Variants in MLLT10 observed in about 807,000 individuals in gnomAD.
MLLT10 encodes the protein protein AF-10.
Under a neutral mutation model 129.1 loss-of-function variants are expected in MLLT10, and 30 were observed. That is an observed-to-expected ratio of 0.23 (90% CI 0.17 to 0.32). The LOEUF (loss-of-function observed/expected upper bound fraction) is 0.32, where lower values mean the gene tolerates loss of function less well. Ranked by LOEUF, MLLT10 falls within the 10% of genes least tolerant of loss-of-function variation. MLLT10 has a pLI of 1.00. For synonymous variants in MLLT10, 490 were observed against 446.4 expected (o/e 1.10, Z -1.23); for missense variants, 1,119 against 1,268.3 (o/e 0.88, Z 1.79).
intron 8 of MLLT10, among the ~76,000 whole-genome samples, chr10:21,626,592 T>G (rs752768711): frequency 6.6e-6 from 1 of 152,140 alleles, no homozygotes; most frequent in Admixed American, 6.6e-5. Flanking sequence ...TAGTGTCACA[T>G]TGGCAAATTT....
At chr10:21,705,990 A>C (rs538100832) in intron 13 of MLLT10, among the ~76,000 whole-genome samples, 1 of 152,332 alleles carries the variant, frequency 6.6e-6, no homozygotes, top group East Asian at 1.9e-4. Context: ...CTTTCCCTGC[A>C]TTAGGGAGCC....
At chr10:21,619,991 G>A (rs559701280) in intron 8 of MLLT10, among the ~76,000 whole-genome samples, 3 of 148,540 alleles carry the variant, frequency 2.0e-5, no homozygotes, top group Non-Finnish European at 4.5e-5. Context: ...GTGCAGTGGC[G>A]CAGTCTCAGC....
chr10:21,586,204 C>A, intron 3 of MLLT10, 90 bp from the exon 4 acceptor site: 1 of 998,542 alleles, frequency 1.0e-6, no homozygotes. Context: ...GCTGCTCTCA[C>A]ATTTTCAGTA....
chr10:21,610,810 A>G (rs1453449510), intron 5 of MLLT10, among the ~76,000 whole-genome samples: 1 of 151,472 alleles, frequency 6.6e-6, no homozygotes, highest in African/African-American at 2.4e-5. Flanking sequence ...TTTTTTGATC[A>G]TTTGTAGGCA....
At chr10:21,534,564 G>GCGGGCT in intron 1 of MLLT10, 44 bp downstream of exon 1, 1 of 1,417,442 alleles carries the variant, frequency 7.1e-7, no homozygotes, top group Non-Finnish European at 9.4e-7. Flanking sequence ...GGGCGCCGGG[G>GCGGGCT]CGGGCTCGGG....
chr10:21,660,704 T>C (rs544016611), intron 9 of MLLT10, among the ~76,000 whole-genome samples: 116 of 150,542 alleles, frequency 7.7e-4, no homozygotes, highest in Admixed American at 1.7e-3. Flanking sequence ...CGAAGCCCCG[T>C]ATCTACTAAA....
chr10:21,551,174 C>T (rs1316867288), intron 3 of MLLT10, among the ~76,000 whole-genome samples: 1 of 151,898 alleles, frequency 6.6e-6, no homozygotes, highest in African/African-American at 2.4e-5. Context: ...ATCCGCCTGC[C>T]TCGGCCTCCC....
At position 21,741,797 on chromosome 10, in the gene MLLT10, C is replaced by T. The variant is rs569608113; in HGVS notation, c.3163-142C>T. 34 of 713,108 alleles carry T rather than the reference C, an allele frequency of 4.8e-5. No individual in the cohort carries two copies. In the East Asian group the frequency reaches 6.2e-4, roughly 13 times the overall value. 44.2% of individuals were successfully genotyped at this position (713,108 alleles called of 1,614,324 possible). ...CTAGTAAATTCATGTCTATATATTA[C>T]GTTGCAAGTAGCCTTGCCAACTTGC... On this transcript the variant is annotated intron_variant, in intron 22 of 22. Coordinates refer to ENST00000307729, the MANE Select transcript of MLLT10 (RefSeq NM_001195626.3).
chr10:21,741,369 G>GA (rs1344384707), intron 22 of MLLT10, among the ~76,000 whole-genome samples: 2 of 152,100 alleles, frequency 1.3e-5, no homozygotes, highest in Non-Finnish European at 2.9e-5. Context: ...GTATTTAATG[G>GA]AAAATCACAG....
In MLLT10 at chr10:21,538,759, G is replaced by A; in HGVS notation, c.161-74G>A. 3 of 1,068,344 alleles carry A rather than the reference G, an allele frequency of 2.8e-6. No individual in the cohort carries two copies. In the South Asian group the frequency reaches 4.1e-5, roughly 15 times the overall value. The allele number at this position is 1,068,344 out of a possible 1,614,324, so 66.2% of individuals were successfully genotyped here. A position where few individuals can be genotyped will look rare whatever the true frequency, so the allele number is the denominator to read the frequency against. On this transcript the variant is annotated intron_variant, in intron 2 of 22. Transcript: ENST00000307729. The stretch of plus-strand genomic sequence containing the variant: ...TGAATAGTGACAGGTGGATTAATAG[G>A]GCTTTGAAAGGGTATTTGATTTTTC...
At position 21,625,937 on chromosome 10, in the gene MLLT10, A is replaced by G. The variant is rs374614134; in HGVS notation, c.699+8730A>G. ...ATATACATCTCTTGGTATTTTACCT[A>G]CAAACACCTCTGTTCCAATTCTAGG... On this transcript the variant is annotated intron_variant, in intron 8 of 22. Coordinates refer to ENST00000307729, the MANE Select transcript of MLLT10 (RefSeq NM_001195626.3). 22 of 799,456 alleles carry G rather than the reference A, an allele frequency of 2.8e-5. No individual in the cohort carries two copies. In the East Asian group the frequency reaches 4.1e-4, roughly 15 times the overall value. 49.5% of individuals were successfully genotyped at this position (799,456 alleles called of 1,614,324 possible).
In MLLT10 at chr10:21,581,841, C is replaced by G. The variant is rs191350724; in HGVS notation, c.241-4453C>G. On this transcript the variant is annotated intron_variant, in intron 3 of 22. Coordinates refer to ENST00000307729, the MANE Select transcript of MLLT10 (RefSeq NM_001195626.3). ...CTCTTTTCTTTATAAATTGCCCAGT[C>G]TCAGGTAGTTCTTTATAGCAGTGAG... 1.8e-4 allele frequency among the ~76,000 whole-genome samples: 27 copies of G among 152,268 alleles called. No homozygotes were observed. The East Asian group carries it at 2.3e-3, about 13-fold the overall frequency.
At position 21,651,720 on chromosome 10, in the gene MLLT10, A is replaced by G; in HGVS notation, c.747A>G (p.Pro249=). The G allele has an allele frequency of 6.2e-7, 1 of 1,613,634 alleles. No individual in the cohort carries two copies. Among genetic ancestry groups the G allele is most frequent in the Non-Finnish European group, 8.5e-7 (1 of 1,179,744 alleles). Reference sequence around the variant, plus strand: ...ACAAACAGAAACACAAGAAGCAGCCAGAACCATCACCTGCATTGGTTCCAT... The same window carrying G: ...ACAAACAGAAACACAAGAAGCAGCCGGAACCATCACCTGCATTGGTTCCAT... ...DKHKQKHKKQ[P]EPSPALVPSL... The change falls in exon 9 of 23, where the codon CCA becomes CCG. Residue 249 remains proline, a synonymous_variant. Coordinates refer to ENST00000307729, the MANE Select transcript of MLLT10 (RefSeq NM_001195626.3).
chr10:21,594,083 A>T (rs1170659645), intron 4 of MLLT10, among the ~76,000 whole-genome samples: 9 of 151,702 alleles, frequency 5.9e-5, no homozygotes. Context: ...TCAGTTTGAG[A>T]TGGTCAGAGG....
intron 9 of MLLT10, among the ~76,000 whole-genome samples, chr10:21,665,727 C>CTGTTAT (rs2050721109): frequency 6.6e-6 from 1 of 151,880 alleles, no homozygotes; most frequent in Admixed American, 6.6e-5. Context: ...TATTATAATA[C>CTGTTAT]TGTTATTATT....
intron 11 of MLLT10, among the ~76,000 whole-genome samples, chr10:21,680,169 G>A (rs187674793): frequency 2.6e-5 from 4 of 151,920 alleles, no homozygotes; most frequent in Admixed American, 2.6e-4. Context: ...AAGAGTAAGG[G>A]TAATAATGTC....
intron 4 of MLLT10, among the ~76,000 whole-genome samples, chr10:21,594,229 T>C (rs1271991191): frequency 6.6e-6 from 1 of 152,020 alleles, no homozygotes; most frequent in African/African-American, 2.4e-5. Flanking sequence ...TGTACATCCC[T>C]GTACTGTTAG....
At chr10:21,657,780 A>G (rs2049762112) in intron 9 of MLLT10, among the ~76,000 whole-genome samples, 1 of 152,184 alleles carries the variant, frequency 6.6e-6, no homozygotes. Context: ...GGAGAACCTA[A>G]TTTTAAGTAA....
Position 21,565,634 on chromosome 10 carries a change from C to G in MLLT10, c.241-20660C>G, listed in dbSNP as rs940261021. On this transcript the variant is annotated intron_variant, in intron 3 of 22. Coordinates refer to ENST00000307729, the MANE Select transcript of MLLT10 (RefSeq NM_001195626.3). ...TTTTTTTTTTTTTTTGAGACATGGT[C>G]TTGCTCTGTCACCCAGGCTGCATTG... Among the ~76,000 whole-genome samples the G allele has an allele frequency of 2.9e-5, 4 of 137,710 alleles. No individual in the cohort carries two copies. In the Admixed American group the frequency reaches 3.1e-4, roughly 11 times the overall value. The allele number at this position is 137,710 out of a possible 152,430, so 90.3% of individuals were successfully genotyped here. A position where few individuals can be genotyped will look rare whatever the true frequency, so the allele number is the denominator to read the frequency against.
Sources: allele counts gnomAD v4.1 joint callset (sites outside exome capture counted in the v4.1 genomes callset), GRCh38; gene constraint gnomAD v4.1.1; transcripts MANE v1.5; gene names NCBI Gene and HGNC (gene_info 2026-07-23, HGNC 2026-07-21).